Variants in TRPM3 observed in about 807,000 individuals in gnomAD.
TRPM3 encodes transient receptor potential cation channel subfamily M member 3, also known as long transient receptor potential channel 3.
Under a neutral mutation model 181.2 loss-of-function variants are expected in TRPM3, and 77 were observed. That is an observed-to-expected ratio of 0.42 (90% CI 0.35 to 0.51). The LOEUF (loss-of-function observed/expected upper bound fraction) is 0.51, where lower values mean the gene tolerates loss of function less well. TRPM3 is among the 20% of genes least tolerant of loss of function. The probability of loss-of-function intolerance (pLI) is 0.01; values close to 1 mark genes in which losing one functional copy is unlikely to be tolerated. For missense variants in TRPM3, 1,759 were observed against 2,196.7 expected (o/e 0.80, Z 3.98); for synonymous variants, 745 against 796.4 (o/e 0.94, Z 1.09).
At chr9:71,362,233 T>G (rs970769429) in intron 1 of TRPM3, among the ~76,000 whole-genome samples, 8 of 152,218 alleles carry the variant, frequency 5.3e-5, no homozygotes, top group African/African-American at 1.9e-4. Flanking sequence ...TCCAGGGGGT[T>G]AAGGTTCCTT....
At chr9:70,930,876 GA>G (rs994013903) in intron 1 of TRPM3, among the ~76,000 whole-genome samples, 5 of 151,474 alleles carry the variant, frequency 3.3e-5, no homozygotes, top group Non-Finnish European at 7.4e-5. Flanking sequence ...AAGTGGCTGA[GA>G]AAAAAATAAA....
chr9:71,206,663 G>A (rs572859594), intron 1 of TRPM3, among the ~76,000 whole-genome samples: 131 of 152,206 alleles, frequency 8.6e-4, no homozygotes, highest in Non-Finnish European at 1.5e-3. Context: ...CTTTGCTCAT[G>A]CCTATGTCCT....
intron 1 of TRPM3, among the ~76,000 whole-genome samples, chr9:71,362,742 T>C (rs1471428602): frequency 6.6e-6 from 1 of 152,200 alleles, no homozygotes; most frequent in Non-Finnish European, 1.5e-5. Flanking sequence ...ATATAATGAA[T>C]TAAAGTTTCA....
chr9:70,875,309 G>A lies in TRPM3; in HGVS notation c.178-10798C>T, dbSNP rs539894615. On this transcript the variant is annotated intron_variant, in intron 1 of 25. Transcript: ENST00000677713. ...GTTAGTCCCTCATTAACGTGTACAA[G>A]GTATATATAGGGCCTTTTTTGAAAA... Among the ~76,000 whole-genome samples the A allele has an allele frequency of 2.6e-3, 398 of 151,794 alleles. 1 individual carries two copies. The highest frequency in any genetic ancestry group is 9.3e-3 in the African/African-American group (385 of 41,432).
chr9:71,296,995 T>C (rs959779453), intron 1 of TRPM3, among the ~76,000 whole-genome samples: 2 of 144,842 alleles, frequency 1.4e-5, no homozygotes, highest in East Asian at 2.0e-4. Context: ...TTTCTTTTTT[T>C]TTTTTTTTTT....
At chr9:71,227,318 C>T (rs546549155) in intron 1 of TRPM3, among the ~76,000 whole-genome samples, 2 of 151,876 alleles carry the variant, frequency 1.3e-5, no homozygotes, top group East Asian at 1.9e-4. Flanking sequence ...AAAGGAGCCA[C>T]ACATACAAAA....
intron 1 of TRPM3, among the ~76,000 whole-genome samples, chr9:71,438,615 G>T (rs1442166849): frequency 1.3e-5 from 2 of 152,206 alleles, no homozygotes; most frequent in African/African-American, 2.4e-5. Flanking sequence ...TGAGGCTGCC[G>T]TAAGCAGTGA....
chr9:70,672,756 G>A (rs1031276713), intron 9 of TRPM3, among the ~76,000 whole-genome samples: 73 of 151,796 alleles, frequency 4.8e-4, no homozygotes, highest in African/African-American at 1.5e-3. Context: ...GGTGGTACTC[G>A]TGTCTGAATA....
At chr9:70,768,336 T>C (rs890705268) in intron 7 of TRPM3, among the ~76,000 whole-genome samples, 1 of 152,194 alleles carries the variant, frequency 6.6e-6, no homozygotes, top group African/African-American at 2.4e-5. Context: ...CAGGTATTTC[T>C]TTTAGGCCTT....
intron 12 of TRPM3, among the ~76,000 whole-genome samples, chr9:70,632,754 C>T (rs7045775): frequency 0.46 from 69,930 of 151,894 alleles, 17,837 homozygotes; most frequent in Non-Finnish European, 0.57. Flanking sequence ...TTCCTTCTTC[C>T]TCCCAAATTC....
At chr9:71,157,104 G>T (rs1411645198) in intron 1 of TRPM3, among the ~76,000 whole-genome samples, 2 of 152,026 alleles carry the variant, frequency 1.3e-5, no homozygotes, top group Non-Finnish European at 2.9e-5. Context: ...GATCCACATT[G>T]GATACACACT....
chr9:70,677,108 C>A (rs2064190807), intron 9 of TRPM3, among the ~76,000 whole-genome samples: 1 of 152,074 alleles, frequency 6.6e-6, no homozygotes, highest in Non-Finnish European at 1.5e-5. Flanking sequence ...AAAGTGAGAA[C>A]TAGCTAAAAC....
At chr9:70,875,306 C>T (rs1384254657) in intron 1 of TRPM3, among the ~76,000 whole-genome samples, 2 of 151,828 alleles carry the variant, frequency 1.3e-5, no homozygotes, top group Non-Finnish European at 2.9e-5. Context: ...TTAACGTGTA[C>T]AAGGTATATA....
intron 1 of TRPM3, among the ~76,000 whole-genome samples, chr9:70,951,540 T>A (rs1284664747): frequency 6.6e-6 from 1 of 152,054 alleles, no homozygotes; most frequent in Non-Finnish European, 1.5e-5. Context: ...CGCGGTTTCA[T>A]CATGTTAGCC....
intron 9 of TRPM3, among the ~76,000 whole-genome samples, chr9:70,675,347 C>T (rs2063785088): frequency 6.6e-6 from 1 of 151,980 alleles, no homozygotes; most frequent in African/African-American, 2.4e-5. Context: ...GTGATCCACT[C>T]GGCCTCCCAA....
intron 1 of TRPM3, among the ~76,000 whole-genome samples, chr9:70,915,513 G>T (rs944610039): frequency 1.3e-5 from 2 of 150,452 alleles, no homozygotes; most frequent in Non-Finnish European, 3.0e-5. Flanking sequence ...CACCGTGTTA[G>T]CCAGGATGGT....
chr9:70,953,524 T>C (rs2133725947), intron 1 of TRPM3, among the ~76,000 whole-genome samples: 1 of 152,302 alleles, frequency 6.6e-6, no homozygotes, highest in Non-Finnish European at 1.5e-5. Flanking sequence ...AACCAAAAAA[T>C]ATAATTTTTG....
chr9:70,679,727 T>C (rs900777526), intron 9 of TRPM3, among the ~76,000 whole-genome samples: 1 of 152,202 alleles, frequency 6.6e-6, no homozygotes, highest in African/African-American at 2.4e-5. Context: ...TTGTAAAGAA[T>C]AAACAAATGT....
At chr9:70,629,606 G>A (rs1448118041) in intron 12 of TRPM3, among the ~76,000 whole-genome samples, 1 of 151,980 alleles carries the variant, frequency 6.6e-6, no homozygotes, top group Admixed American at 6.6e-5. Flanking sequence ...CAAAGTGTTG[G>A]GATTACAGGC....
Sources: allele counts gnomAD v4.1 joint callset (sites outside exome capture counted in the v4.1 genomes callset), GRCh38; gene constraint gnomAD v4.1.1; transcripts MANE v1.5; gene names NCBI Gene and HGNC (gene_info 2026-07-23, HGNC 2026-07-21).